Variants in PSIP1 observed in about 807,000 individuals in gnomAD.
The protein encoded by PSIP1 is PC4 and SRSF1 interacting protein 1.
Under a neutral mutation model 74.7 loss-of-function variants are expected in PSIP1, and 19 were observed. The observed-to-expected ratio is 0.25, with a 90% confidence interval of 0.18 to 0.37. The LOEUF (loss-of-function observed/expected upper bound fraction) is 0.37, where lower values mean the gene tolerates loss of function less well. Ranked by LOEUF, PSIP1 falls within the 10% of genes least tolerant of loss-of-function variation. The pLI, the probability that PSIP1 is intolerant of heterozygous loss-of-function variation, is 1.00. For missense variants in PSIP1, 601 were observed against 614.3 expected (o/e 0.98, Z 0.23); for synonymous variants, 222 against 195.3 (o/e 1.14, Z -1.14).
At chr9:15,487,363 G>C (rs745335802) in intron 4 of PSIP1, among the ~76,000 whole-genome samples, 13 of 152,048 alleles carry the variant, frequency 8.5e-5, no homozygotes, top group Non-Finnish European at 1.6e-4. Context: ...GGGAGGCTGA[G>C]GCAGGCAGAT....
intron 2 of PSIP1, among the ~76,000 whole-genome samples, chr9:15,509,800 TA>T (rs569351824): frequency 1.3e-5 from 2 of 152,252 alleles, no homozygotes; most frequent in Non-Finnish European, 2.9e-5. Flanking sequence ...CACTAATTTT[TA>T]AACAAAAATT....
At chr9:15,475,180 T>C (rs948570969) in intron 8 of PSIP1, among the ~76,000 whole-genome samples, 1 of 152,218 alleles carries the variant, frequency 6.6e-6, no homozygotes, top group Non-Finnish European at 1.5e-5. Context: ...TTTTATTATA[T>C]AATTATCATT....
intron 8 of PSIP1, among the ~76,000 whole-genome samples, chr9:15,476,145 G>C (rs2036066750): frequency 6.6e-6 from 1 of 152,154 alleles, no homozygotes; most frequent in African/African-American, 2.4e-5. Context: ...ACACAGCCAA[G>C]AGTAGTTACA....
chr9:15,508,022 T>A (rs535903249), intron 2 of PSIP1, among the ~76,000 whole-genome samples: 19 of 152,388 alleles, frequency 1.2e-4, no homozygotes, highest in African/African-American at 4.6e-4. Context: ...TGCCTCTTTC[T>A]GCTAGCAAAC....
rs1371392739 is a variant in PSIP1 at position 15,464,643 on chromosome 9, C to A, written c.*877G>T. 1 of 198,278 alleles carries A rather than the reference C, an allele frequency of 5.0e-6. No individual in the cohort carries two copies. The highest frequency in any genetic ancestry group is 2.3e-5 in the African/African-American group (1 of 43,372). The allele number at this position is 198,278 out of a possible 1,614,324, so 12.3% of individuals were successfully genotyped here. A position where few individuals can be genotyped will look rare whatever the true frequency, so the allele number is the denominator to read the frequency against. The stretch of plus-strand genomic sequence containing the variant: ...TGTATAAGCATCATGATTTTTTCTT[C>A]CAATTAAGTTTTAGTGACTTCCTAA... On this transcript the variant is annotated 3_prime_UTR_variant, in exon 16 of 16. Transcript: ENST00000380733.
chr9:15,478,654 T>A (rs781627892), intron 7 of PSIP1, 102 bp from the exon 8 acceptor site: 1 of 797,240 alleles, frequency 1.3e-6, no homozygotes, highest in African/African-American at 1.8e-5. Flanking sequence ...TTAAGAATAT[T>A]AGTAGCTTAT....
chr9:15,494,667 T>G (rs1470551422), intron 3 of PSIP1, among the ~76,000 whole-genome samples: 1 of 152,002 alleles, frequency 6.6e-6, no homozygotes, highest in Non-Finnish European at 1.5e-5. Context: ...GTAACATTCA[T>G]TGTATCCATG....
At chr9:15,483,994 G>A (rs536851916) in intron 6 of PSIP1, among the ~76,000 whole-genome samples, 4 of 151,840 alleles carry the variant, frequency 2.6e-5, no homozygotes, top group African/African-American at 9.7e-5. Context: ...CAGGCGTGGT[G>A]GTGCACGTCT....
intron 10 of PSIP1, chr9:15,470,633 A>C (rs1164903116): frequency 1.1e-6 from 1 of 948,000 alleles, no homozygotes; most frequent in Non-Finnish European, 1.3e-6. Flanking sequence ...TCTAAAAATC[A>C]GGTTTTTTTT....
chr9:15,499,896 A>C (rs2037253076), intron 3 of PSIP1, among the ~76,000 whole-genome samples: 1 of 151,480 alleles, frequency 6.6e-6, no homozygotes, highest in Non-Finnish European at 1.5e-5. Flanking sequence ...AAAAAACCGA[A>C]GTCACATACA....
At chr9:15,477,746 C>A (rs1587477277) in intron 8 of PSIP1, among the ~76,000 whole-genome samples, 1 of 152,026 alleles carries the variant, frequency 6.6e-6, no homozygotes, top group East Asian at 1.9e-4. Context: ...TCCTGGATAA[C>A]TGAATAGTTA....
chr9:15,470,066 A>C, intron 10 of PSIP1, 73 bp from the exon 11 acceptor site: 3 of 1,239,582 alleles, frequency 2.4e-6, no homozygotes, highest in Non-Finnish European at 3.5e-6. Context: ...CCTATGTAAA[A>C]GCTAAAAATG....
intron 8 of PSIP1, 49 bp from the exon 9 acceptor site, chr9:15,474,286 T>C (rs370849983): frequency 3.1e-5 from 44 of 1,435,222 alleles, no homozygotes; most frequent in Non-Finnish European, 4.1e-5. Context: ...ACTATAATAG[T>C]ATTTTAGATA....
intron 3 of PSIP1, among the ~76,000 whole-genome samples, chr9:15,494,153 A>T (rs774460697): frequency 6.6e-6 from 1 of 152,250 alleles, no homozygotes; most frequent in Non-Finnish European, 1.5e-5. Context: ...GATACATATC[A>T]TAAATTCCTG....
intron 10 of PSIP1, chr9:15,472,170 G>C: frequency 1.0e-6 from 1 of 986,040 alleles, no homozygotes; most frequent in Non-Finnish European, 1.2e-6. Context: ...TCAGCCTTTA[G>C]ATTTACTTTT....
chr9:15,467,090 A>G (rs1315700395), intron 14 of PSIP1, among the ~76,000 whole-genome samples: 1 of 152,196 alleles, frequency 6.6e-6, no homozygotes, highest in Non-Finnish European at 1.5e-5. Context: ...TGGGTAGCTA[A>G]GGCACCATAA....
At chr9:15,501,844 T>C (rs1256069686) in intron 3 of PSIP1, among the ~76,000 whole-genome samples, 1 of 133,244 alleles carries the variant, frequency 7.5e-6, no homozygotes, top group East Asian at 2.1e-4. Context: ...AAACAGCATA[T>C]ATATATATAT....
chr9:15,509,939 G>A (rs1473081030), intron 2 of PSIP1, among the ~76,000 whole-genome samples, 178 bp downstream of exon 2: 1 of 152,158 alleles, frequency 6.6e-6, no homozygotes, highest in East Asian at 1.9e-4. Flanking sequence ...GAAACGTCTG[G>A]ATTTTCATAA....
chr9:15,472,077 C>G (rs552768978), intron 10 of PSIP1: 2 of 980,356 alleles, frequency 2.0e-6, no homozygotes, highest in African/African-American at 3.5e-5. Context: ...CATGGCAAGT[C>G]CTGTCTCTAT....
Sources: allele counts gnomAD v4.1 joint callset (sites outside exome capture counted in the v4.1 genomes callset), GRCh38; gene constraint gnomAD v4.1.1; transcripts MANE v1.5; gene names NCBI Gene and HGNC (gene_info 2026-07-23, HGNC 2026-07-21).